Variants in CCNI observed in about 807,000 individuals in gnomAD.
CCNI encodes the protein cyclin-I.
In CCNI, 14 loss-of-function variants were observed where a neutral mutation model predicts 34.1. That is an observed-to-expected ratio of 0.41 (90% CI 0.27 to 0.64). CCNI has a LOEUF of 0.64. Ranked by LOEUF, CCNI falls within the 30% of genes least tolerant of loss-of-function variation. CCNI has a pLI of 0.31. For synonymous variants in CCNI, 154 were observed against 158.4 expected, an observed-to-expected ratio of 0.97 and a Z score of 0.21; for missense variants, 385 against 440.5, an observed-to-expected ratio of 0.87 and a Z score of 1.13.
chr4:77,060,916 C>T (rs936429103), intron 2 of CCNI, among the ~76,000 whole-genome samples: 2 of 142,866 alleles, frequency 1.4e-5, no homozygotes, highest in Non-Finnish European at 3.0e-5. Flanking sequence ...TGAGCCACTG[C>T]GCCCGGCCTA....
intron 2 of CCNI, among the ~76,000 whole-genome samples, chr4:77,064,534 C>T (rs1224970046): frequency 2.7e-5 from 4 of 150,108 alleles, no homozygotes; most frequent in Non-Finnish European, 5.9e-5. Flanking sequence ...CAGACATTTG[C>T]TAAATGACTT....
At position 77,048,240 on chromosome 4, in the gene CCNI, C is replaced by CA; in HGVS notation, c.1112dup (p.Leu371PhefsTer21). ...GAAACTACATGACAGAAACAGGCTG[C>CA]AAAGGTGGACAAGGGGAAGCATGTC... On this transcript the variant is annotated frameshift_variant, in exon 7 of 7. Coordinates refer to ENST00000237654, the MANE Select transcript of CCNI (RefSeq NM_006835.3). LOFTEE classifies it high-confidence loss of function. 1 of 1,613,690 alleles carries CA rather than the reference C, an allele frequency of 6.2e-7. No homozygotes were observed. The highest frequency in any genetic ancestry group is 8.5e-7 in the Non-Finnish European group (1 of 1,179,782).
intron 6 of CCNI, among the ~76,000 whole-genome samples, chr4:77,048,962 G>C (rs1489057084): frequency 4.2e-5 from 2 of 47,648 alleles, no homozygotes; most frequent in African/African-American, 1.2e-4. Context: ...TCCAACGTCT[G>C]TTTTTTTTTT....
rs776274707 is a variant in CCNI at position 77,055,386 on chromosome 4, A to T, written c.460-6T>A. ...GACACTGCAATGGCATGGAACTGAA[A>T]ATCACAAGAACATCATTTTAACTTT... On this transcript the variant is annotated splice_polypyrimidine_tract_variant and splice_region_variant and intron_variant, in intron 5 of 6. Transcript: ENST00000237654. 2 of 1,569,530 alleles carry T rather than the reference A, an allele frequency of 1.3e-6. No homozygotes were observed. The highest frequency in any genetic ancestry group is 1.3e-5 in the African/African-American group (1 of 74,100).
rs1729904690 is a variant in CCNI at position 77,075,733 on chromosome 4, C to T, written c.-305G>A. 1 of 209,826 alleles carries T rather than the reference C, an allele frequency of 4.8e-6. No homozygotes were observed. The highest frequency in any genetic ancestry group is 2.4e-5 in the African/African-American group (1 of 42,402). 13.0% of individuals were successfully genotyped at this position (209,826 alleles called of 1,614,324 possible). A position where few individuals can be genotyped will look rare whatever the true frequency, so the allele number is the denominator to read the frequency against. ...AATTAGTTCCATGATGACCCCCGGC[C>T]TGAGGCCGCCGCCGCTCGAGCCCGG... On this transcript the variant is annotated 5_prime_UTR_variant, in exon 1 of 7. Coordinates refer to ENST00000237654, the MANE Select transcript of CCNI (RefSeq NM_006835.3).
chr4:77,075,340 T>TG (rs1729830179), intron 1 of CCNI, 132 bp downstream of exon 1: 1 of 176,042 alleles, frequency 5.7e-6, no homozygotes, highest in South Asian at 2.0e-4. Flanking sequence ...TGCGGGAGGG[T>TG]GGGTCTCCGG....
In CCNI at chr4:77,058,635, T is replaced by G. The variant is rs183736124; in HGVS notation, c.115A>C (p.Asn39His). The change falls in exon 3 of 7, where the codon AAT becomes CAT. Residue 39 changes from asparagine (N) to histidine (H), a missense_variant and splice_region_variant. Physicochemically the swap from Asn to His is moderately conservative, Grantham distance 68 (BLOSUM62 1). Around this residue, in one of 2 missense-constraint regions of CCNI, gnomAD observed 135 missense variants for 191.8 expected, o/e 0.70. Transcript: ENST00000237654. ...TCATCTCTCTGGGATGGAGAAACAT[T>G]CTATAAGGGAACAATTTTGAAAACA... ...VNVRKMPSNQ[N>H]VSPSQRDEVI... 18 of 1,610,420 alleles carry G rather than the reference T, an allele frequency of 1.1e-5. No individual in the cohort carries two copies. Among genetic ancestry groups the G allele is most frequent in the Admixed American group, 1.7e-5 (1 of 59,222 alleles).
Position 77,048,303 on chromosome 4 carries a change from C to T in CCNI, c.1050G>A (p.Val350=). The T allele has an allele frequency of 1.2e-6, 2 of 1,614,052 alleles. No homozygotes were observed. The highest frequency in any genetic ancestry group is 1.7e-6 in the Non-Finnish European group (2 of 1,179,992). The change falls in exon 7 of 7, where the codon GTG becomes GTA. Residue 350 remains valine (V), a synonymous_variant. Coordinates refer to ENST00000237654, the MANE Select transcript of CCNI (RefSeq NM_006835.3). ...LYNEDNVSEN[V]GSVCGTDLSR... ...ATAAATCAGTGCCACACACAGAACCCACATTTTCTGAGACATTATCTTCAT... is the reference window on the plus strand; with the variant it reads ...ATAAATCAGTGCCACACACAGAACCTACATTTTCTGAGACATTATCTTCAT...
intron 6 of CCNI, among the ~76,000 whole-genome samples, chr4:77,050,309 A>T (rs1727739941): frequency 6.6e-6 from 1 of 152,156 alleles, no homozygotes; most frequent in South Asian, 2.1e-4. Context: ...ACCAAGTCTT[A>T]CTTATCCTCA....
At chr4:77,073,351 T>C (rs1288127793) in intron 1 of CCNI, among the ~76,000 whole-genome samples, 1 of 152,200 alleles carries the variant, frequency 6.6e-6, no homozygotes, top group Admixed American at 6.5e-5. Context: ...CAGGGCCCCC[T>C]GCTCCTCTGA....
intron 6 of CCNI, among the ~76,000 whole-genome samples, chr4:77,051,585 A>G (rs1023353335): frequency 6.6e-6 from 1 of 152,230 alleles, no homozygotes; most frequent in Non-Finnish European, 1.5e-5. Context: ...TTTCTCCAAA[A>G]TAACATCAAA....
At chr4:77,064,469 C>T (rs756781076) in intron 2 of CCNI, among the ~76,000 whole-genome samples, 19 of 152,078 alleles carry the variant, frequency 1.2e-4, no homozygotes, top group Non-Finnish European at 4.4e-5. Flanking sequence ...AATTTATTTT[C>T]TCCTGTTGTA....
At chr4:77,051,164 T>C (rs1362476550) in intron 6 of CCNI, among the ~76,000 whole-genome samples, 1 of 152,204 alleles carries the variant, frequency 6.6e-6, no homozygotes, top group Non-Finnish European at 1.5e-5. Context: ...TGGAACTCTG[T>C]GAAATTTCTT....
intron 6 of CCNI, among the ~76,000 whole-genome samples, chr4:77,051,092 A>C (rs1174215937): frequency 1.3e-5 from 2 of 152,162 alleles, no homozygotes; most frequent in African/African-American, 4.8e-5. Context: ...GAATGCCTAC[A>C]CATCACTTCA....
intron 2 of CCNI, among the ~76,000 whole-genome samples, chr4:77,064,543 T>C (rs1261748147): frequency 2.0e-5 from 3 of 150,508 alleles, no homozygotes; most frequent in Non-Finnish European, 4.4e-5. Context: ...GCTAAATGAC[T>C]TGAATTCCCA....
chr4:77,074,584 T>C (rs1729752498), intron 1 of CCNI, among the ~76,000 whole-genome samples: 1 of 152,012 alleles, frequency 6.6e-6, no homozygotes, highest in African/African-American at 2.4e-5. Flanking sequence ...ATCTGTAAAA[T>C]GAGGCTCCTA....
intron 3 of CCNI, among the ~76,000 whole-genome samples, chr4:77,056,827 G>A (rs4252887): frequency 0.032 from 4,887 of 151,982 alleles, 100 homozygotes; most frequent in East Asian, 0.085. Context: ...TCCTGACCTC[G>A]TGATCTGCCC....
chr4:77,048,142 G>T lies in CCNI; in HGVS notation c.*77C>A. 1 of 1,109,866 alleles carries T rather than the reference G, an allele frequency of 9.0e-7. No individual in the cohort carries two copies. The highest frequency in any genetic ancestry group is 1.3e-6 in the Non-Finnish European group (1 of 762,042). 68.8% of individuals were successfully genotyped at this position (1,109,866 alleles called of 1,614,324 possible). Reference sequence around the variant, plus strand: ...CTGTTAAGGTATATTTCCTTCTACAGCCTTTCCTGATTTTGCATGTTCTCA... The same window carrying T: ...CTGTTAAGGTATATTTCCTTCTACATCCTTTCCTGATTTTGCATGTTCTCA... On this transcript the variant is annotated 3_prime_UTR_variant, in exon 7 of 7. Transcript: ENST00000237654.
chr4:77,058,183 T>C (rs765116353), intron 3 of CCNI, among the ~76,000 whole-genome samples: 24 of 152,072 alleles, frequency 1.6e-4, no homozygotes, highest in Admixed American at 4.6e-4. Flanking sequence ...GGCAAAACCC[T>C]GTCTCTACTA....
Sources: gnomAD v4.1 joint callset for allele counts (sites outside exome capture counted in the v4.1 genomes callset) on GRCh38, gnomAD v4.1.1 for gene constraint, gnomAD v4.1.1 regional missense constraint, MANE v1.5 for transcripts, NCBI Gene and HGNC (gene_info 2026-07-23, HGNC 2026-07-21) for gene names.